The following SMIM14 variants were observed in gnomAD, a reference collection of about 807,000 sequenced individuals.
SMIM14 encodes small integral membrane protein 14, also known as chromosome 4 open reading frame 34.
In SMIM14, 5 loss-of-function variants were observed where a neutral mutation model predicts 12.6. The observed-to-expected ratio is 0.40, with a 90% CI of 0.21 to 0.83. The LOEUF (loss-of-function observed/expected upper bound fraction) is 0.83, where lower values mean the gene tolerates loss of function less well. Among genes scored for constraint, SMIM14 ranks in the 40% least tolerant of loss-of-function variants. The pLI, the probability that SMIM14 is intolerant of heterozygous loss-of-function variation, is 0.37. For synonymous variants in SMIM14, 30 were observed against 40.1 expected, an observed-to-expected ratio of 0.75 and a Z score of 0.95; for missense variants, 86 against 119.1, an observed-to-expected ratio of 0.72 and a Z score of 1.29.
At position 39,558,387 on chromosome 4, in the gene SMIM14, C is replaced by A. The variant is rs1712120183; in HGVS notation, c.125-1817G>T. Among the ~76,000 whole-genome samples the A allele has an allele frequency of 1.3e-5, 2 of 152,178 alleles. No individual in the cohort carries two copies. The highest frequency in any genetic ancestry group is 6.5e-5 in the Admixed American group (1 of 15,282). On this transcript the variant is annotated intron_variant, in intron 3 of 4. Transcript: ENST00000295958. The surrounding 1 kb of genome is among the most constrained non-coding windows in gnomAD (Gnocchi z 4.3). ...AAGGCTGGGCCCCTAGAAGTGCTTG[C>A]CTGAAAAATCACAGCTGCTGCAGCT...
intron 1 of SMIM14, among the ~76,000 whole-genome samples, chr4:39,620,262 G>A (rs1330434012): frequency 3.3e-5 from 5 of 151,644 alleles, no homozygotes; most frequent in African/African-American, 9.7e-5. Flanking sequence ...GGCGGATCAC[G>A]AGGTCAGGAG....
intron 1 of SMIM14, among the ~76,000 whole-genome samples, chr4:39,637,981 A>G (rs1716163972): frequency 6.6e-6 from 1 of 152,228 alleles, no homozygotes; most frequent in South Asian, 2.1e-4. Context: ...GGTTTTGCCA[A>G]CTGGGGCAAC....
chr4:39,591,338 G>T (rs780418511), intron 2 of SMIM14, among the ~76,000 whole-genome samples: 2 of 151,858 alleles, frequency 1.3e-5, no homozygotes, highest in Non-Finnish European at 2.9e-5. Flanking sequence ...TTTTTTAAGT[G>T]TTTCTGAACA....
At chr4:39,556,750 TG>T (rs1188749127) in intron 3 of SMIM14, among the ~76,000 whole-genome samples, 180 bp from the exon 4 acceptor site, 1 of 152,164 alleles carries the variant, frequency 6.6e-6, no homozygotes, top group Non-Finnish European at 1.5e-5. Flanking sequence ...AAAAAGTAAA[TG>T]ATGTTAAATA....
chr4:39,595,504 T>C (rs1192834414), intron 2 of SMIM14, among the ~76,000 whole-genome samples: 3 of 151,572 alleles, frequency 2.0e-5, no homozygotes, highest in Admixed American at 6.6e-5. Context: ...TGTATACATA[T>C]GTAACTAACC....
chr4:39,555,721 G>C (rs1219721569), intron 4 of SMIM14, among the ~76,000 whole-genome samples: 1 of 152,178 alleles, frequency 6.6e-6, no homozygotes, highest in Non-Finnish European at 1.5e-5. Flanking sequence ...ATGGGTTTGA[G>C]AGAAATAGGA....
chr4:39,608,842 G>A (rs1270105526), intron 1 of SMIM14, among the ~76,000 whole-genome samples: 2 of 152,226 alleles, frequency 1.3e-5, no homozygotes, highest in African/African-American at 4.8e-5. Context: ...CTAGAGCTGG[G>A]AAGTTTGCAG....
rs577432891 is a variant in SMIM14 at position 39,549,684 on chromosome 4, G to T, written c.*2442C>A. On this transcript the variant is annotated 3_prime_UTR_variant, in exon 5 of 5. Transcript: ENST00000295958. ...GAGAACAGATTGTTAGGATATATGG[G>T]CAAGCCTTCTAAGTTCAAGAGGCAA... is the stretch of plus-strand genomic sequence containing the variant. 2 of 152,186 alleles carry T rather than the reference G, an allele frequency of 1.3e-5. No homozygotes were observed. The highest frequency in any genetic ancestry group is 1.5e-5 in the Non-Finnish European group (1 of 68,034). The allele number at this position is 152,186 out of a possible 1,614,324, so 9.4% of individuals were successfully genotyped here. A position where few individuals can be genotyped will look rare whatever the true frequency, so the allele number is the denominator to read the frequency against.
At chr4:39,618,959 C>A (rs1445258491) in intron 1 of SMIM14, among the ~76,000 whole-genome samples, 2 of 151,868 alleles carry the variant, frequency 1.3e-5, no homozygotes, top group Non-Finnish European at 2.9e-5. Flanking sequence ...TGCATATACA[C>A]CACATACTCA....
chr4:39,589,279 T>A (rs1012323235), intron 2 of SMIM14, among the ~76,000 whole-genome samples: 1 of 151,942 alleles, frequency 6.6e-6, no homozygotes, highest in Non-Finnish European at 1.5e-5. Flanking sequence ...TAGAGATGAG[T>A]TTTCACCATG....
intron 2 of SMIM14, among the ~76,000 whole-genome samples, chr4:39,590,932 C>T (rs115127727): frequency 6.6e-6 from 1 of 152,238 alleles, no homozygotes; most frequent in African/African-American, 2.4e-5. Flanking sequence ...TCCTTATCTA[C>T]CTTTTTAAGT....
chr4:39,623,088 G>A (rs1715564897), intron 1 of SMIM14, among the ~76,000 whole-genome samples: 1 of 152,076 alleles, frequency 6.6e-6, no homozygotes. Context: ...TGTTACATAC[G>A]TACAATGTCA....
intron 2 of SMIM14, among the ~76,000 whole-genome samples, chr4:39,600,477 G>A (rs1045611550): frequency 3.9e-5 from 6 of 152,016 alleles, no homozygotes; most frequent in African/African-American, 1.4e-4. Context: ...ATCACCTGAT[G>A]TCAGGAGTTT....
rs1711667672 is a variant in SMIM14 at position 39,550,904 on chromosome 4, A to C, written c.*1222T>G. On this transcript the variant is annotated 3_prime_UTR_variant, in exon 5 of 5. Transcript: ENST00000295958. ...CCTAACAGGCCCTAATACAGCTTTA[A>C]GATTTTCTTCTTTTTTTTTTTTTGA... 1 of 151,450 alleles carries C rather than the reference A, an allele frequency of 6.6e-6. No homozygotes were observed. Among genetic ancestry groups the C allele is most frequent in the African/African-American group, 2.4e-5 (1 of 41,368 alleles). The allele number at this position is 151,450 out of a possible 1,614,324, so 9.4% of individuals were successfully genotyped here.
intron 1 of SMIM14, among the ~76,000 whole-genome samples, chr4:39,625,465 G>A (rs970935791): frequency 1.3e-5 from 2 of 151,220 alleles, no homozygotes; most frequent in Non-Finnish European, 1.5e-5. Context: ...TTTTTGAGAC[G>A]GAGTCTTGCT....
chr4:39,605,048 A>G (rs1264756906), intron 2 of SMIM14, 23 bp downstream of exon 2: 1 of 1,417,036 alleles, frequency 7.1e-7, no homozygotes, highest in Non-Finnish European at 9.9e-7. Context: ...AGTTCAGAAT[A>G]GGATTGTCCT....
At chr4:39,638,429 C>T in intron 1 of SMIM14, 1 of 981,910 alleles carries the variant, frequency 1.0e-6, no homozygotes, top group Non-Finnish European at 1.2e-6. Flanking sequence ...TACGCCTCCA[C>T]CCGTCGACAA....
At chr4:39,628,403 G>A (rs529284587) in intron 1 of SMIM14, among the ~76,000 whole-genome samples, 7 of 151,718 alleles carry the variant, frequency 4.6e-5, no homozygotes, top group South Asian at 2.1e-4. Flanking sequence ...GACCAGGCGC[G>A]GTGGCTCACG....
chr4:39,583,016 T>C lies in SMIM14; in HGVS notation c.76-10553A>G, dbSNP rs554773157. ...CATGTTGGCCAGGCTGGTTTTGAAC[T>C]CCTGATCTCAGATGTTCCACCCGCC... On this transcript the variant is annotated intron_variant, in intron 2 of 4. Coordinates refer to ENST00000295958, the MANE Select transcript of SMIM14 (RefSeq NM_174921.3). Among the ~76,000 whole-genome samples, 30 of 152,146 alleles carry C rather than the reference T, an allele frequency of 2.0e-4. No homozygotes were observed. In the East Asian group the frequency reaches 5.4e-3, roughly 27 times the overall value.
Sources: gnomAD v4.1 joint callset for allele counts (sites outside exome capture counted in the v4.1 genomes callset) on GRCh38, gnomAD v4.1.1 for gene constraint, Gnocchi (gnomAD v3.1) non-coding constraint, MANE v1.5 for transcripts, NCBI Gene and HGNC (gene_info 2026-07-23, HGNC 2026-07-21) for gene names.